RIMBP2: variants seen among roughly 807,000 people sequenced by gnomAD.
The protein encoded by RIMBP2 is RIMS binding protein 2.
In RIMBP2, 48 loss-of-function variants were observed where a neutral mutation model predicts 118.6. The ratio of observed to expected loss-of-function variants is 0.40; its 90% CI spans 0.32 to 0.51. The LOEUF (loss-of-function observed/expected upper bound fraction) is 0.51, where lower values mean the gene tolerates loss of function less well. Among genes scored for constraint, RIMBP2 ranks in the 20% least tolerant of loss-of-function variants. The pLI is 0.41. For synonymous variants in RIMBP2, 762 were observed against 742.9 expected (o/e 1.03, Z -0.42); for missense variants, 1,551 against 1,768.3 (o/e 0.88, Z 2.20).
chr12:130,634,801 G>A (rs752649278), intron 1 of RIMBP2, among the ~76,000 whole-genome samples: 10 of 152,028 alleles, frequency 6.6e-5, no homozygotes, highest in Non-Finnish European at 1.0e-4. Context: ...ATCTCACTAT[G>A]TCACCCAGGC....
Position 130,703,594 on chromosome 12 carries a change from G to A in RIMBP2, c.-352+12628C>T, listed in dbSNP as rs1159510135. On this transcript the variant is annotated intron_variant, in intron 1 of 22. Transcript: ENST00000690449. This position sits in a 1 kb window ranked among gnomAD's most constrained non-coding sequence, Gnocchi z 5.7. ...ATGGGCTCCATCAGATCCCGTAATC[G>A]GATCCGGGCGCTTTAGCCCTCACGT... Among the ~76,000 whole-genome samples, 5 of 152,132 alleles carry A rather than the reference G, an allele frequency of 3.3e-5. No homozygotes were observed. Among genetic ancestry groups the A allele is most frequent in the Non-Finnish European group, 7.4e-5 (5 of 68,014 alleles).
chr12:130,544,853 A>G (rs940734622), intron 2 of RIMBP2, among the ~76,000 whole-genome samples: 3 of 152,058 alleles, frequency 2.0e-5, no homozygotes, highest in Non-Finnish European at 4.4e-5. Flanking sequence ...TCCACCTCCC[A>G]AAGAACTGGA....
chr12:130,674,008 CT>C (rs2064322178), intron 1 of RIMBP2, among the ~76,000 whole-genome samples: 1 of 151,752 alleles, frequency 6.6e-6, no homozygotes, highest in South Asian at 2.1e-4. Context: ...ATCCCAGCTA[CT>C]CAGGAGGCTG....
chr12:130,402,005 G>A (rs1313368025), intron 21 of RIMBP2, among the ~76,000 whole-genome samples: 1 of 152,238 alleles, frequency 6.6e-6, no homozygotes, highest in East Asian at 1.9e-4. Flanking sequence ...CTCTGGCTGA[G>A]TAGAATGTGG....
intron 3 of RIMBP2, among the ~76,000 whole-genome samples, chr12:130,514,700 A>G (rs369551672): frequency 2.2e-4 from 34 of 152,102 alleles, no homozygotes; most frequent in East Asian, 1.4e-3. Context: ...TCTTTTTTAT[A>G]TTTTTCCTCC....
chr12:130,716,057 G>A (rs1465926812), intron 1 of RIMBP2, among the ~76,000 whole-genome samples, 165 bp downstream of exon 1: 2 of 152,208 alleles, frequency 1.3e-5, no homozygotes, highest in African/African-American at 2.4e-5. Context: ...CAGCGCCCCC[G>A]GACCCCACGC....
At chr12:130,462,204 G>A (rs1443654499) in intron 6 of RIMBP2, among the ~76,000 whole-genome samples, 1 of 152,208 alleles carries the variant, frequency 6.6e-6, no homozygotes, top group Non-Finnish European at 1.5e-5. Context: ...CACACAGGAC[G>A]ATCCCTCACT....
chr12:130,565,349 C>T (rs1174178491), intron 2 of RIMBP2, among the ~76,000 whole-genome samples: 1 of 152,196 alleles, frequency 6.6e-6, no homozygotes, highest in Non-Finnish European at 1.5e-5. Flanking sequence ...ATTTTAAACA[C>T]AGAGTCAGCT....
intron 2 of RIMBP2, among the ~76,000 whole-genome samples, chr12:130,522,736 G>A (rs936123744): frequency 4.6e-5 from 7 of 152,144 alleles, no homozygotes; most frequent in South Asian, 2.1e-4. Context: ...GGGTTTCCAC[G>A]GAGGATGGCC....
chr12:130,637,685 G>A (rs2062412740), intron 1 of RIMBP2, among the ~76,000 whole-genome samples: 1 of 152,194 alleles, frequency 6.6e-6, no homozygotes, highest in Admixed American at 6.5e-5. Flanking sequence ...CAACCCTGAT[G>A]CCTAACAGAA....
At chr12:130,467,677 C>T (rs906091026) in intron 6 of RIMBP2, among the ~76,000 whole-genome samples, 1 of 152,222 alleles carries the variant, frequency 6.6e-6, no homozygotes, top group Non-Finnish European at 1.5e-5. Flanking sequence ...GCAAGGTGAA[C>T]CCACTAGGCG....
At chr12:130,654,368 C>T (rs755073824) in intron 1 of RIMBP2, among the ~76,000 whole-genome samples, 3 of 152,218 alleles carry the variant, frequency 2.0e-5, no homozygotes, top group East Asian at 1.9e-4. Context: ...GACACAGATA[C>T]AATGCAGCCA....
At chr12:130,500,517 A>G (rs2049647183) in intron 4 of RIMBP2, among the ~76,000 whole-genome samples, 1 of 152,216 alleles carries the variant, frequency 6.6e-6, no homozygotes, top group Non-Finnish European at 1.5e-5. Context: ...TGCATAACCA[A>G]TCACAGGCTG....
In RIMBP2 at chr12:130,679,879, C is replaced by T. The variant is rs536047309; in HGVS notation, c.-352+36343G>A. On this transcript the variant is annotated intron_variant, in intron 1 of 22. Transcript: ENST00000690449. Reference sequence around the variant, plus strand: ...CCACGCAGAGAGTGTGTTCGCCCGCCACGGGAAGGATCCGTGAGTGTGATC... The same window carrying T: ...CCACGCAGAGAGTGTGTTCGCCCGCTACGGGAAGGATCCGTGAGTGTGATC... Among the ~76,000 whole-genome samples the T allele has an allele frequency of 1.2e-4, 18 of 151,872 alleles. No homozygotes were observed. The South Asian group carries it at 2.1e-3, about 17-fold the overall frequency.
intron 2 of RIMBP2, among the ~76,000 whole-genome samples, chr12:130,601,362 C>CAAAAAAAAA (rs2059875190): frequency 2.2e-5 from 2 of 92,238 alleles, no homozygotes; most frequent in Admixed American, 1.2e-4. Flanking sequence ...AAAAAAAAAG[C>CAAAAAAAAA]AAACCGGCTG....
chr12:130,652,697 A>G (rs975930056), intron 1 of RIMBP2, among the ~76,000 whole-genome samples: 2 of 152,192 alleles, frequency 1.3e-5, no homozygotes, highest in African/African-American at 4.8e-5. Context: ...GGTGATTTAT[A>G]AAGAAAAGAG....
At chr12:130,572,531 A>T (rs2057757449) in intron 2 of RIMBP2, among the ~76,000 whole-genome samples, 1 of 152,020 alleles carries the variant, frequency 6.6e-6, no homozygotes, top group Non-Finnish European at 1.5e-5. Flanking sequence ...CCCTGTGTGC[A>T]GGTTTTACTG....
chr12:130,437,732 A>ACTTCCCG (rs2077642547), intron 12 of RIMBP2, among the ~76,000 whole-genome samples: 1 of 152,098 alleles, frequency 6.6e-6, no homozygotes, highest in African/African-American at 2.4e-5. Context: ...CATGCTGGGG[A>ACTTCCCG]CTTCCCGCCT....
intron 1 of RIMBP2, among the ~76,000 whole-genome samples, chr12:130,652,088 GT>G (rs2063253136): frequency 6.6e-6 from 1 of 152,080 alleles, no homozygotes; most frequent in African/African-American, 2.4e-5. Flanking sequence ...ATTAATTTGG[GT>G]TTTTTAAATA....
Sources: gnomAD v4.1 joint callset for allele counts (sites outside exome capture counted in the v4.1 genomes callset) on GRCh38, gnomAD v4.1.1 for gene constraint, Gnocchi (gnomAD v3.1) non-coding constraint, MANE v1.5 for transcripts, NCBI Gene and HGNC (gene_info 2026-07-23, HGNC 2026-07-21) for gene names.